PKP2: variants seen among roughly 807,000 people sequenced by gnomAD.
The protein encoded by PKP2 is plakophilin-2.
PKP2 carries 73 observed loss-of-function variants against 83.4 expected under a neutral mutation model. The observed-to-expected ratio is 0.88, with a 90% CI of 0.72 to 1.06. PKP2 has a LOEUF of 1.06. Ranked by LOEUF, PKP2 falls within the 50% of genes least tolerant of loss-of-function variation. The pLI is 0.00. For missense variants in PKP2, 966 were observed against 1,065.4 expected, an observed-to-expected ratio of 0.91 and a Z score of 1.30; for synonymous variants, 409 against 430.4, an observed-to-expected ratio of 0.95 and a Z score of 0.62.
intron 6 of PKP2, among the ~76,000 whole-genome samples, chr12:32,834,445 T>TA (rs1199635569): frequency 7.9e-5 from 12 of 152,282 alleles, no homozygotes; most frequent in African/African-American, 2.6e-4. Context: ...CTTGGGGACT[T>TA]AATTTCTTCA....
At position 32,808,163 on chromosome 12, in the gene PKP2, T is replaced by C. The variant is rs186506577; in HGVS notation, c.2014-5607A>G. Among the ~76,000 whole-genome samples, 590 of 152,344 alleles carry C rather than the reference T, an allele frequency of 3.9e-3. 3 individuals are homozygous for C. Among genetic ancestry groups the C allele is most frequent in the African/African-American group, 0.014 (568 of 41,576 alleles). On this transcript the variant is annotated intron_variant, in intron 9 of 12. Coordinates refer to ENST00000340811, the MANE Select transcript of PKP2 (RefSeq NM_001005242.3). ...TCCCTGTCTCCTTCAGGTACCCCAG[T>C]CAGTTGCAGGTTCCATCTCTTTACA...
intron 4 of PKP2, among the ~76,000 whole-genome samples, chr12:32,864,119 T>C (rs1385042862): frequency 6.6e-6 from 1 of 152,076 alleles, no homozygotes; most frequent in Non-Finnish European, 1.5e-5. Flanking sequence ...AAAACTCCAT[T>C]AAAGCAGGAG....
At chr12:32,823,645 C>T (rs938992517) in intron 7 of PKP2, among the ~76,000 whole-genome samples, 22 of 149,746 alleles carry the variant, frequency 1.5e-4, no homozygotes, top group South Asian at 2.1e-4. Context: ...CTTGCTCTGT[C>T]GCCCACGCTG....
intron 10 of PKP2, among the ~76,000 whole-genome samples, chr12:32,797,057 C>T (rs1197307013): frequency 6.6e-6 from 1 of 152,024 alleles, no homozygotes; most frequent in Non-Finnish European, 1.5e-5. Context: ...TTATTCATCA[C>T]AAAACCTATC....
At chr12:32,852,458 G>A (rs1298959604) in intron 4 of PKP2, among the ~76,000 whole-genome samples, 1 of 152,134 alleles carries the variant, frequency 6.6e-6, no homozygotes, top group East Asian at 1.9e-4. Context: ...CATCAGAAAT[G>A]TAAAACAATC....
chr12:32,873,394 G>C (rs118178127), intron 3 of PKP2, among the ~76,000 whole-genome samples: 1 of 151,956 alleles, frequency 6.6e-6, no homozygotes, highest in Non-Finnish European at 1.5e-5. Flanking sequence ...CACCATGCCC[G>C]GCCCTGCTCT....
chr12:32,840,222 C>T (rs568652150), intron 6 of PKP2, among the ~76,000 whole-genome samples: 1 of 152,212 alleles, frequency 6.6e-6, no homozygotes, highest in Non-Finnish European at 1.5e-5. Flanking sequence ...GCTGCTCTAA[C>T]ACATTTCATT....
intron 9 of PKP2, among the ~76,000 whole-genome samples, chr12:32,811,350 G>A (rs1483247408): frequency 6.6e-6 from 1 of 152,178 alleles, no homozygotes; most frequent in Non-Finnish European, 1.5e-5. Flanking sequence ...AGGCAATGAT[G>A]CCAAAACAGT....
Position 32,802,460 on chromosome 12 carries a change from T to C in PKP2, c.2110A>G (p.Thr704Ala). The C allele has an allele frequency of 6.2e-7, 1 of 1,614,160 alleles. No homozygotes were observed. The highest frequency in any genetic ancestry group is 8.5e-7 in the Non-Finnish European group (1 of 1,179,998). Residue 704 changes from threonine to alanine, a missense_variant, in exon 10 of 13, where the codon ACA (threonine) becomes GCA (alanine). By Grantham distance (58) the Thr-to-Ala change is moderately conservative. Coordinates refer to ENST00000340811, the MANE Select transcript of PKP2 (RefSeq NM_001005242.3). Reference sequence around the variant, plus strand: ...AGATTCCTCAGCAGCGAGATGGCTGTCTTTTTCACACTTGGGTCACCAACA... The same window carrying C: ...AGATTCCTCAGCAGCGAGATGGCTGCCTTTTTCACACTTGGGTCACCAACA... ...LHVGDPSVKK[T>A]AISLLRNLSR... is the part of the protein sequence containing the mutation.
At chr12:32,850,085 G>A (rs936027433) in intron 5 of PKP2, among the ~76,000 whole-genome samples, 1 of 152,152 alleles carries the variant, frequency 6.6e-6, no homozygotes, top group African/African-American at 2.4e-5. Flanking sequence ...GGATAACAGT[G>A]AAATCCTACA....
rs2137949092 is a variant in PKP2, at chr12:32,878,259, G to T, written c.621C>A (p.Thr207=). The T allele has an allele frequency of 5.0e-6, 8 of 1,614,082 alleles. No homozygotes were observed. Among genetic ancestry groups the T allele is most frequent in the Non-Finnish European group, 6.8e-6 (8 of 1,180,030 alleles). Residue 207 remains threonine (T), a synonymous_variant, in exon 3 of 13, where the codon ACC becomes ACA. Coordinates refer to ENST00000340811, the MANE Select transcript of PKP2 (RefSeq NM_001005242.3). ...SEIVGVSRAG[T]TSRQRHFDTY... Reference sequence around the variant, plus strand: ...TGTCAAAGTGGCGCTGCCTGCTTGTGGTGCCAGCACGGCTGACCCCCACGA... The same window carrying T: ...TGTCAAAGTGGCGCTGCCTGCTTGTTGTGCCAGCACGGCTGACCCCCACGA...
chr12:32,792,640 T>A lies in PKP2; in HGVS notation c.2445+4A>T, dbSNP rs1321297335. 1 of 1,612,232 alleles carries A rather than the reference T, an allele frequency of 6.2e-7. No individual in the cohort carries two copies. Among genetic ancestry groups the A allele is most frequent in the Non-Finnish European group, 8.5e-7 (1 of 1,178,226 alleles). ...TATGACACATTCCTTGTTCATGTTC[T>A]TACCTTCTTGTAGGCATGATGCAGT... On this transcript the variant is annotated splice_donor_region_variant and intron_variant, in intron 12 of 12. Coordinates refer to ENST00000340811, the MANE Select transcript of PKP2 (RefSeq NM_001005242.3).
At chr12:32,866,639 A>G (rs1323123997) in intron 4 of PKP2, among the ~76,000 whole-genome samples, 1 of 152,036 alleles carries the variant, frequency 6.6e-6, no homozygotes, top group Admixed American at 6.6e-5. Flanking sequence ...ACACCTGTAC[A>G]AACTTACAGG....
At chr12:32,852,804 C>A (rs1956711844) in intron 4 of PKP2, among the ~76,000 whole-genome samples, 1 of 152,068 alleles carries the variant, frequency 6.6e-6, no homozygotes, top group East Asian at 1.9e-4. Flanking sequence ...TCTTAGCTGG[C>A]CGGGCACGGT....
chr12:32,831,845 G>A (rs1251418147), intron 6 of PKP2, among the ~76,000 whole-genome samples: 2 of 152,186 alleles, frequency 1.3e-5, no homozygotes, highest in African/African-American at 4.8e-5. Context: ...TAGATGGGCT[G>A]CTTCAGCATC....
intron 4 of PKP2, among the ~76,000 whole-genome samples, chr12:32,858,099 A>ATATATATATATTTATATATATTTTATATT (rs1956768821): frequency 2.1e-5 from 2 of 97,298 alleles, no homozygotes; most frequent in African/African-American, 4.2e-5. Flanking sequence ...ATATATATAT[A>ATATATATATATTTATATATATTTTATATT]TATATATATA....
intron 1 of PKP2, among the ~76,000 whole-genome samples, chr12:32,882,856 C>T (rs763298073): frequency 3.3e-5 from 5 of 152,142 alleles, no homozygotes; most frequent in Admixed American, 6.6e-5. Context: ...AACCTGGGTT[C>T]CTCCTTTCCC....
At chr12:32,870,707 G>A (rs1956888585) in intron 3 of PKP2, among the ~76,000 whole-genome samples, 2 of 152,054 alleles carry the variant, frequency 1.3e-5, no homozygotes, top group South Asian at 4.2e-4. Flanking sequence ...CAAAGTCTTT[G>A]CCAGCCATCA....
chr12:32,890,852 C>T (rs1206549976), intron 1 of PKP2, among the ~76,000 whole-genome samples: 7 of 150,324 alleles, frequency 4.7e-5, no homozygotes, highest in Non-Finnish European at 8.9e-5. Flanking sequence ...CCCAGCTACT[C>T]GGGAGGCTGA....
Sources: gnomAD v4.1 joint callset for allele counts (sites outside exome capture counted in the v4.1 genomes callset) on GRCh38, gnomAD v4.1.1 for gene constraint, MANE v1.5 for transcripts, NCBI Gene and HGNC (gene_info 2026-07-23, HGNC 2026-07-21) for gene names.